BCAM: variants seen among roughly 807,000 people sequenced by gnomAD.
The protein encoded by BCAM is basal cell adhesion molecule.
A neutral mutation model predicts 72.4 loss-of-function variants in BCAM; 61 were observed. The observed-to-expected ratio is 0.84, with a 90% CI of 0.69 to 1.04. The LOEUF is 1.04. BCAM is among the 50% of genes least tolerant of loss of function. The pLI, the probability that BCAM is intolerant of heterozygous loss-of-function variation, is 0.00. For missense variants in BCAM, 909 were observed against 895.0 expected (o/e 1.02, Z -0.20); for synonymous variants, 408 against 384.2 (o/e 1.06, Z -0.73).
rs758800273 is a variant in BCAM at position 44,814,188 on chromosome 19, C to T, written c.821C>T (p.Pro274Leu). 1.5e-5 allele frequency: 24 copies of T among 1,581,604 alleles called. No homozygotes were observed. The highest frequency in any genetic ancestry group is 1.5e-4 in the South Asian group (13 of 88,092). The change falls in exon 7 of 15, where the codon CCG (proline) becomes CTG (leucine). Residue 274 changes from proline to leucine, a missense_variant. By Grantham distance (98) the Pro-to-Leu change is moderately conservative. Coordinates refer to ENST00000270233, the MANE Select transcript of BCAM (RefSeq NM_005581.5). This position sits in a 1 kb window ranked among gnomAD's most constrained non-coding sequence, Gnocchi z 4.6. ...TEHVQFWVGS[P>L]STPAGWVREG... ...CACGTGCAGTTCTGGGTGGGCAGCC[C>T]GTCCACCCCAGCAGGCTGGGTACGC...
chr19:44,817,416 G>A (rs1161818080), intron 8 of BCAM, among the ~76,000 whole-genome samples: 1 of 152,112 alleles, frequency 6.6e-6, no homozygotes, highest in African/African-American at 2.4e-5. Context: ...TTCAAGAGGT[G>A]GGTGAGGGCC....
Position 44,818,897 on chromosome 19 carries a change from G to A in BCAM, c.1336+15G>A. 6.2e-7 allele frequency: 1 copy of A among 1,611,860 alleles called. No homozygotes were observed. The highest frequency in any genetic ancestry group is 8.5e-7 in the Non-Finnish European group (1 of 1,178,940). On this transcript the variant is annotated intron_variant, in intron 10 of 14. Transcript: ENST00000270233. The surrounding 1 kb of genome is among the most constrained non-coding windows in gnomAD (Gnocchi z 4.6). ...GCTGGTCCAAGGTTCAGGGGGCAGG[G>A]AGGGGGTGGGCTTGGATGGGGACAG...
chr19:44,811,172 G>A (rs887082875), intron 1 of BCAM, 53 bp from the exon 2 acceptor site: 2 of 1,609,036 alleles, frequency 1.2e-6, no homozygotes, highest in African/African-American at 2.7e-5. Flanking sequence ...GACCCTGTCT[G>A]GAGGGCTCTT....
At position 44,812,139 on chromosome 19, in the gene BCAM, T is replaced by C; in HGVS notation, c.205-24T>C. ...TGAGGAGCGCTGGGACACCCGGAGC[T>C]GAGAGCCTGCCCCGCGCCCACAGAC... On this transcript the variant is annotated intron_variant, in intron 2 of 14. Coordinates refer to ENST00000270233, the MANE Select transcript of BCAM (RefSeq NM_005581.5). The surrounding 1 kb of genome is among the most constrained non-coding windows in gnomAD (Gnocchi z 5.3). 1 of 1,577,252 alleles carries C rather than the reference T, an allele frequency of 6.3e-7. No individual in the cohort carries two copies.
chr19:44,812,147 T>C lies in BCAM; in HGVS notation c.205-16T>C. The C allele has an allele frequency of 6.3e-7, 1 of 1,585,018 alleles. No homozygotes were observed. The highest frequency in any genetic ancestry group is 8.5e-7 in the Non-Finnish European group (1 of 1,170,626). On this transcript the variant is annotated splice_polypyrimidine_tract_variant and intron_variant, in intron 2 of 14. Transcript: ENST00000270233. This position sits in a 1 kb window ranked among gnomAD's most constrained non-coding sequence, Gnocchi z 5.3. ...GCTGGGACACCCGGAGCTGAGAGCC[T>C]GCCCCGCGCCCACAGACCGACCGCT...
In BCAM at chr19:44,812,630, G is replaced by T; in HGVS notation, c.504+82G>T. The T allele has an allele frequency of 6.5e-7, 1 of 1,540,554 alleles. No individual in the cohort carries two copies. On this transcript the variant is annotated intron_variant, in intron 4 of 14. Transcript: ENST00000270233. The surrounding 1 kb of genome is among the most constrained non-coding windows in gnomAD (Gnocchi z 5.3). ...TGGACTCCTGGGTCTGAGGGAGGAG[G>T]GGCTGGGGACCCCTGGGTAATAAAG...
intron 8 of BCAM, among the ~76,000 whole-genome samples, chr19:44,817,570 A>G (rs2122563890): frequency 6.7e-6 from 1 of 149,438 alleles, no homozygotes; most frequent in Middle Eastern, 3.5e-3. Context: ...TTTGAGTCAG[A>G]GTCTCACTCT....
chr19:44,819,713 G>C lies in BCAM; in HGVS notation c.1750G>C (p.Glu584Gln). Reference protein sequence around the residue: ...KGGPCCRQRREKGAPPPGEPG... With the variant: ...KGGPCCRQRRQKGAPPPGEPG... ...GGGCCCCTGCTGCCGCCAGCGGCGG[G>C]AGAAGGGGGCTCCGTGAGTGGCCTG... Residue 584 changes from glutamate (E) to glutamine (Q), a missense_variant, in exon 13 of 15, where the codon GAG (glutamate) becomes CAG (glutamine). Coordinates refer to ENST00000270233, the MANE Select transcript of BCAM (RefSeq NM_005581.5). The C allele has an allele frequency of 6.2e-7, 1 of 1,604,910 alleles. No individual in the cohort carries two copies. The highest frequency in any genetic ancestry group is 8.5e-7 in the Non-Finnish European group (1 of 1,176,428).
Position 44,814,061 on chromosome 19 carries a change from C to T in BCAM, c.785-91C>T. 1 of 1,454,886 alleles carries T rather than the reference C, an allele frequency of 6.9e-7. No homozygotes were observed. Among genetic ancestry groups the T allele is most frequent in the African/African-American group, 1.4e-5 (1 of 70,560 alleles). The allele number at this position is 1,454,886 out of a possible 1,614,324, so 90.1% of individuals were successfully genotyped here. ...CCGTAACCTTTGACCCGCCATAGCCCTCACCTGGGATGCAGGGCTGACCTC... is the reference window on the plus strand; with the variant it reads ...CCGTAACCTTTGACCCGCCATAGCCTTCACCTGGGATGCAGGGCTGACCTC... On this transcript the variant is annotated intron_variant, in intron 6 of 14. Transcript: ENST00000270233. This position sits in a 1 kb window ranked among gnomAD's most constrained non-coding sequence, Gnocchi z 4.6.
Position 44,813,076 on chromosome 19 carries a change from A to G in BCAM, c.505-174A>G. 1 of 568,752 alleles carries G rather than the reference A, an allele frequency of 1.8e-6. No individual in the cohort carries two copies. The highest frequency in any genetic ancestry group is 2.9e-5 in the South Asian group (1 of 34,522). 35.2% of individuals were successfully genotyped at this position (568,752 alleles called of 1,614,324 possible). A position where few individuals can be genotyped will look rare whatever the true frequency, so the allele number is the denominator to read the frequency against. On this transcript the variant is annotated intron_variant, in intron 4 of 14. Transcript: ENST00000270233. The surrounding 1 kb of genome is among the most constrained non-coding windows in gnomAD (Gnocchi z 4.2). ...CTTGGTCCCTGGAGGATGGTGCTGG[A>G]GGCCTGGACTCTTTAGTCTGAGTCG... is the stretch of plus-strand genomic sequence containing the variant.
chr19:44,811,072 G>T (rs1968412227), intron 1 of BCAM, among the ~76,000 whole-genome samples, 153 bp from the exon 2 acceptor site: 2 of 151,430 alleles, frequency 1.3e-5, no homozygotes, highest in Middle Eastern at 3.4e-3. Flanking sequence ...CCAGATTCCT[G>T]GGTCTGAGGG....
In BCAM at chr19:44,812,742, G is replaced by A; in HGVS notation, c.504+194G>A. On this transcript the variant is annotated intron_variant, in intron 4 of 14. Coordinates refer to ENST00000270233, the MANE Select transcript of BCAM (RefSeq NM_005581.5). This position sits in a 1 kb window ranked among gnomAD's most constrained non-coding sequence, Gnocchi z 5.3. ...AGGCAGGCGGATCACCTGAGGTCAG[G>A]AGTTCCAGACCAGCCTGGCCAACAT... The A allele has an allele frequency of 3.2e-6, 2 of 619,620 alleles. No homozygotes were observed. Among genetic ancestry groups the A allele is most frequent in the Middle Eastern group, 4.4e-4 (1 of 2,274 alleles). The allele number at this position is 619,620 out of a possible 1,614,324, so 38.4% of individuals were successfully genotyped here.
chr19:44,811,279 G>A lies in BCAM; in HGVS notation c.137G>A (p.Gly46Glu). 1 of 1,613,442 alleles carries A rather than the reference G, an allele frequency of 6.2e-7. No homozygotes were observed. The highest frequency in any genetic ancestry group is 8.5e-7 in the Non-Finnish European group (1 of 1,179,948). Residue 46 changes from glycine to glutamate, a missense_variant, in exon 2 of 15, where the codon GGA (glycine) becomes GAA (glutamate). Physicochemically the swap from Gly to Glu is moderately conservative, Grantham distance 98. Coordinates refer to ENST00000270233, the MANE Select transcript of BCAM (RefSeq NM_005581.5). The part of the protein sequence containing the change: ...SVPPLVEVMR[G>E]KSVILDCTPT... ...CCCCCGCTGGTGGAGGTGATGCGAG[G>A]AAAGTCTGTCATTCTGGACTGCACC...
At chr19:44,811,179 T>C in intron 1 of BCAM, 46 bp from the exon 2 acceptor site, 1 of 1,610,170 alleles carries the variant, frequency 6.2e-7, no homozygotes, top group Non-Finnish European at 8.5e-7. Flanking sequence ...TCTGGAGGGC[T>C]CTTCCTGTTG....
In BCAM at chr19:44,812,638, G is replaced by T; in HGVS notation, c.504+90G>T. On this transcript the variant is annotated intron_variant, in intron 4 of 14. Coordinates refer to ENST00000270233, the MANE Select transcript of BCAM (RefSeq NM_005581.5). The surrounding 1 kb of genome is among the most constrained non-coding windows in gnomAD (Gnocchi z 5.3). ...TGGGTCTGAGGGAGGAGGGGCTGGGGACCCCTGGGTAATAAAGGAGGAGGG... is the reference window on the plus strand; with the variant it reads ...TGGGTCTGAGGGAGGAGGGGCTGGGTACCCCTGGGTAATAAAGGAGGAGGG... 2 of 1,489,212 alleles carry T rather than the reference G, an allele frequency of 1.3e-6. No homozygotes were observed. Among genetic ancestry groups the T allele is most frequent in the Middle Eastern group, 1.8e-4 (1 of 5,420 alleles). 92.2% of individuals were successfully genotyped at this position (1,489,212 alleles called of 1,614,324 possible).
rs377373615 is a variant in BCAM at position 44,814,229 on chromosome 19, C to G, written c.862C>G (p.Gln288Glu). 1 of 1,588,532 alleles carries G rather than the reference C, an allele frequency of 6.3e-7. No homozygotes were observed. Among genetic ancestry groups the G allele is most frequent in the Non-Finnish European group, 8.5e-7 (1 of 1,173,568 alleles). ...CTGGGTACGCGAGGGTGACACTGTCCAGCTGCTCTGCCGGGGGGACGGCAG... is the reference window on the plus strand; with the variant it reads ...CTGGGTACGCGAGGGTGACACTGTCGAGCTGCTCTGCCGGGGGGACGGCAG... ...AGWVREGDTV[Q>E]LLCRGDGSPS... is the part of the protein sequence containing the mutation. Residue 288 changes from glutamine (Q) to glutamate (E), a missense_variant, in exon 7 of 15, where the codon CAG (glutamine) becomes GAG (glutamate). By Grantham distance (29) the Gln-to-Glu change is conservative. Coordinates refer to ENST00000270233, the MANE Select transcript of BCAM (RefSeq NM_005581.5). The surrounding 1 kb of genome is among the most constrained non-coding windows in gnomAD (Gnocchi z 4.6).
At position 44,813,327 on chromosome 19, in the gene BCAM, G is replaced by A; in HGVS notation, c.582G>A (p.Val194=). Residue 194 remains valine (V), a synonymous_variant, in exon 5 of 15, where the codon GTG becomes GTA. Coordinates refer to ENST00000270233, the MANE Select transcript of BCAM (RefSeq NM_005581.5). This position sits in a 1 kb window ranked among gnomAD's most constrained non-coding sequence, Gnocchi z 4.2. ...TWYRNGQRLE[V]PVEMNPEGYM... is the part of the protein sequence containing the mutation. ...ATCGCAACGGGCAGCGCCTGGAGGTGCCCGTAGAGATGAACCCAGGTGAGC... is the reference window on the plus strand; with the variant it reads ...ATCGCAACGGGCAGCGCCTGGAGGTACCCGTAGAGATGAACCCAGGTGAGC... 6.2e-7 allele frequency: 1 copy of A among 1,613,982 alleles called. No individual in the cohort carries two copies. The highest frequency in any genetic ancestry group is 8.5e-7 in the Non-Finnish European group (1 of 1,179,974).
chr19:44,817,220 G>C (rs757643757), intron 8 of BCAM, among the ~76,000 whole-genome samples: 6 of 152,144 alleles, frequency 3.9e-5, no homozygotes, highest in Non-Finnish European at 7.3e-5. Flanking sequence ...CTGGGCGACA[G>C]AGCCAAACTC....
chr19:44,814,095 C>G lies in BCAM; in HGVS notation c.785-57C>G. ...GATGCAGGGCTGACCTCTCGCCTGT[C>G]CTCTAGCCTTGACCCTTCCCCTGAT... is the stretch of plus-strand genomic sequence containing the variant. On this transcript the variant is annotated intron_variant, in intron 6 of 14. Transcript: ENST00000270233. This position sits in a 1 kb window ranked among gnomAD's most constrained non-coding sequence, Gnocchi z 4.6. The G allele has an allele frequency of 6.6e-7, 1 of 1,524,812 alleles. No homozygotes were observed. 94.5% of individuals were successfully genotyped at this position (1,524,812 alleles called of 1,614,324 possible). A position where few individuals can be genotyped will look rare whatever the true frequency, so the allele number is the denominator to read the frequency against.
Sources: gnomAD v4.1 joint callset for allele counts (sites outside exome capture counted in the v4.1 genomes callset) on GRCh38, gnomAD v4.1.1 for gene constraint, Gnocchi (gnomAD v3.1) non-coding constraint, MANE v1.5 for transcripts, NCBI Gene and HGNC (gene_info 2026-07-23, HGNC 2026-07-21) for gene names.